SGSM2: variants seen among roughly 807,000 people sequenced by gnomAD.
SGSM2 encodes the protein small G protein signaling modulator 2.
SGSM2 carries 89 observed loss-of-function variants against 126.6 expected under a neutral mutation model. The observed-to-expected ratio is 0.70, with a 90% confidence interval of 0.59 to 0.84. The LOEUF (loss-of-function observed/expected upper bound fraction) is 0.84, where lower values mean the gene tolerates loss of function less well. SGSM2 is among the 40% of genes least tolerant of loss of function. The pLI is 0.00. For missense variants in SGSM2, 1,404 were observed against 1,416.6 expected (o/e 0.99, Z 0.14); for synonymous variants, 614 against 574.3 (o/e 1.07, Z -0.99).
intron 2 of SGSM2, among the ~76,000 whole-genome samples, chr17:2,352,175 C>T (rs572616325): frequency 1.2e-4 from 18 of 152,300 alleles, no homozygotes; most frequent in Admixed American, 3.9e-4. Flanking sequence ...TTGAAAGAGG[C>T]GGGTCCTCCC....
chr17:2,361,811 G>A lies in SGSM2; in HGVS notation c.296+12G>A. 1.3e-6 allele frequency: 2 copies of A among 1,588,632 alleles called. No individual in the cohort carries two copies. Among genetic ancestry groups the A allele is most frequent in the South Asian group, 2.3e-5 (2 of 88,392 alleles). Reference sequence around the variant, plus strand: ...CAAGCAGAGGGCAGGTGAGCCCTGGGCCAGCCCCTTCTTCCCTCCTTTCAG... The same window carrying A: ...CAAGCAGAGGGCAGGTGAGCCCTGGACCAGCCCCTTCTTCCCTCCTTTCAG... On this transcript the variant is annotated intron_variant, in intron 3 of 23. Coordinates refer to ENST00000268989, the MANE Select transcript of SGSM2 (RefSeq NM_014853.3).
Position 2,380,176 on chromosome 17 carries a change from A to AC in SGSM2, c.*661dup, listed in dbSNP as rs919848081. 1.5e-4 allele frequency: 231 copies of AC among 1,496,652 alleles called. No homozygotes were observed. In the African/African-American group the frequency reaches 2.7e-3, roughly 18 times the overall value. The allele number at this position is 1,496,652 out of a possible 1,614,324, so 92.7% of individuals were successfully genotyped here. ...CCACTGCCTTTGGCCACCTGAGGTG[A>AC]CCCCCAGGCCTCCCCGGCCTTGTAC... On this transcript the variant is annotated 3_prime_UTR_variant, in exon 24 of 24. Coordinates refer to ENST00000268989, the MANE Select transcript of SGSM2 (RefSeq NM_014853.3).
Position 2,364,928 on chromosome 17 carries a change from G to T in SGSM2, c.1032G>T (p.Gln344His). The T allele has an allele frequency of 6.2e-7, 1 of 1,612,188 alleles. No individual in the cohort carries two copies. The change falls in exon 10 of 24, where the codon CAG becomes CAT. Residue 344 changes from glutamine (Q) to histidine (H), a missense_variant. Gln to His is a conservative substitution (Grantham distance 24). Coordinates refer to ENST00000268989, the MANE Select transcript of SGSM2 (RefSeq NM_014853.3). ...KSGGTLVLVS[Q>H]DGIQRPPLHF... ...GTGGCACGCTTGTGCTGGTGAGCCAGGATGGCATCCAGAGGCCGCCGCTGC... is the reference window on the plus strand; with the variant it reads ...GTGGCACGCTTGTGCTGGTGAGCCATGATGGCATCCAGAGGCCGCCGCTGC...
At chr17:2,360,730 G>A (rs1288714919) in intron 2 of SGSM2, among the ~76,000 whole-genome samples, 23 of 152,196 alleles carry the variant, frequency 1.5e-4, no homozygotes, top group African/African-American at 2.4e-5. Context: ...TTTCCAGTCC[G>A]TGTGAAAAAA....
intron 2 of SGSM2, among the ~76,000 whole-genome samples, chr17:2,358,883 T>G (rs977347173): frequency 6.8e-6 from 1 of 148,006 alleles, no homozygotes; most frequent in Admixed American, 6.7e-5. Context: ...GTTTTTTTTT[T>G]TTTTTTTTTT....
intron 2 of SGSM2, among the ~76,000 whole-genome samples, chr17:2,350,176 T>TAC (rs1311253127): frequency 6.7e-6 from 1 of 150,172 alleles, no homozygotes; most frequent in Non-Finnish European, 1.5e-5. Context: ...CCTGCCTCGG[T>TAC]CTCCCAAAGT....
chr17:2,369,496 C>A (rs1057448981), intron 12 of SGSM2, among the ~76,000 whole-genome samples: 1 of 152,326 alleles, frequency 6.6e-6, no homozygotes, highest in South Asian at 2.1e-4. Context: ...CCCCTCCCCC[C>A]GTCCAGCCTG....
chr17:2,346,899 G>A (rs900794724), intron 2 of SGSM2, among the ~76,000 whole-genome samples: 10 of 152,132 alleles, frequency 6.6e-5, no homozygotes, highest in African/African-American at 2.4e-4. Context: ...GACCAGCCTG[G>A]GCAATATTAC....
chr17:2,349,973 G>C (rs2064780612), intron 2 of SGSM2, among the ~76,000 whole-genome samples: 1 of 151,990 alleles, frequency 6.6e-6, no homozygotes, highest in Admixed American at 6.6e-5. Flanking sequence ...ATTTTTAGTA[G>C]ACATGGGGTT....
intron 1 of SGSM2, among the ~76,000 whole-genome samples, chr17:2,341,825 G>T (rs1006672885): frequency 6.6e-6 from 1 of 152,172 alleles, no homozygotes; most frequent in Admixed American, 6.5e-5. Context: ...TAAAGTGTGT[G>T]CATCAGACAT....
chr17:2,360,729 C>G (rs16952099), intron 2 of SGSM2, among the ~76,000 whole-genome samples: 1 of 152,182 alleles, frequency 6.6e-6, no homozygotes, highest in South Asian at 2.1e-4. Context: ...GTTTCCAGTC[C>G]GTGTGAAAAA....
intron 1 of SGSM2, among the ~76,000 whole-genome samples, chr17:2,339,312 T>G (rs1334934985): frequency 6.6e-6 from 1 of 151,872 alleles, no homozygotes; most frequent in African/African-American, 2.4e-5. Flanking sequence ...GGTGGGCACC[T>G]GTAATCCCAG....
chr17:2,377,070 T>G lies in SGSM2; in HGVS notation c.2802+2T>G. The G allele has an allele frequency of 6.2e-7, 1 of 1,603,694 alleles. No homozygotes were observed. The highest frequency in any genetic ancestry group is 8.5e-7 in the Non-Finnish European group (1 of 1,172,762). On this transcript the variant is annotated splice_donor_variant, in intron 21 of 23. Coordinates refer to ENST00000268989, the MANE Select transcript of SGSM2 (RefSeq NM_014853.3). LOFTEE classifies it high-confidence loss of function. The stretch of plus-strand genomic sequence containing the variant: ...GCCAACATGCGCTCCCTCATCCAGG[T>G]GAGGCCGGTTGCCACCCATGGGCAT...
intron 2 of SGSM2, among the ~76,000 whole-genome samples, chr17:2,360,372 C>A (rs2065260174): frequency 6.6e-6 from 1 of 152,138 alleles, no homozygotes; most frequent in South Asian, 2.1e-4. Context: ...AAAACCTTGA[C>A]AGACCTCAAT....
chr17:2,373,161 T>C, intron 16 of SGSM2, 80 bp downstream of exon 16: 1 of 1,578,266 alleles, frequency 6.3e-7, no homozygotes, highest in Non-Finnish European at 8.6e-7. Flanking sequence ...CTTGGAAGCC[T>C]CAGCCCCTTC....
chr17:2,351,144 T>C (rs2064831413), intron 2 of SGSM2, among the ~76,000 whole-genome samples: 1 of 152,074 alleles, frequency 6.6e-6, no homozygotes, highest in Non-Finnish European at 1.5e-5. Context: ...TCCCAGCTAC[T>C]TGGGAGGCTG....
chr17:2,340,876 G>A (rs535049770), intron 1 of SGSM2, among the ~76,000 whole-genome samples: 6 of 152,140 alleles, frequency 3.9e-5, no homozygotes, highest in South Asian at 2.1e-4. Context: ...GAGCCACCAC[G>A]CCTGGCCCAG....
intron 2 of SGSM2, among the ~76,000 whole-genome samples, chr17:2,348,254 C>T (rs942493484): frequency 1.3e-5 from 2 of 152,122 alleles, no homozygotes; most frequent in South Asian, 2.1e-4. Flanking sequence ...GATATTTCAG[C>T]ACATTCTGAG....
intron 2 of SGSM2, among the ~76,000 whole-genome samples, chr17:2,343,883 G>T (rs1298427353): frequency 1.3e-5 from 2 of 152,172 alleles, no homozygotes; most frequent in East Asian, 3.8e-4. Context: ...CACCTGAAGG[G>T]CTTGGTAGAA....
Sources: gnomAD v4.1 joint callset for allele counts (sites outside exome capture counted in the v4.1 genomes callset) on GRCh38, gnomAD v4.1.1 for gene constraint, MANE v1.5 for transcripts, NCBI Gene and HGNC (gene_info 2026-07-23, HGNC 2026-07-21) for gene names.